Variants in ZNF536 observed in about 807,000 individuals in gnomAD.
The protein encoded by ZNF536 is zinc finger protein 536.
In ZNF536, 13 loss-of-function variants were observed where a neutral mutation model predicts 84.5. The ratio of observed to expected loss-of-function variants is 0.15; its 90% CI spans 0.10 to 0.24. The LOEUF (loss-of-function observed/expected upper bound fraction) is 0.24, where lower values mean the gene tolerates loss of function less well. ZNF536 is among the 10% of genes least tolerant of loss of function. The probability of loss-of-function intolerance (pLI) is 1.00; values close to 1 mark genes in which losing one functional copy is unlikely to be tolerated. For synonymous variants in ZNF536, 811 were observed against 742.5 expected, an observed-to-expected ratio of 1.09 and a Z score of -1.50; for missense variants, 1,536 against 1,747.5, an observed-to-expected ratio of 0.88 and a Z score of 2.16.
At chr19:30,383,701 C>CTCTT (rs762457465) in intron 1 of ZNF536, among the ~76,000 whole-genome samples, 204 of 11,560 alleles carry the variant, frequency 0.018, 9 homozygotes, top group Middle Eastern at 0.062. Flanking sequence ...TCTTTTCTTT[C>CTCTT]TCTTTCTTTC....
chr19:30,363,894 G>A (rs1163169346), intron 3 of ZNF536, among the ~76,000 whole-genome samples: 14 of 152,144 alleles, frequency 9.2e-5, no homozygotes, highest in African/African-American at 3.4e-4. Flanking sequence ...CTTGCAGAAG[G>A]CAGGGGTTTG....
chr19:30,606,194 T>TAA (rs1555810953), intron 1 of ZNF536, among the ~76,000 whole-genome samples: 2,158 of 55,338 alleles, frequency 0.039, 82 homozygotes, highest in African/African-American at 0.067. Flanking sequence ...TAAAATAAAA[T>TAA]AATAAAATAA....
At chr19:30,347,281 G>A (rs2047776501) in intron 2 of ZNF536, among the ~76,000 whole-genome samples, 1 of 152,142 alleles carries the variant, frequency 6.6e-6, no homozygotes, top group African/African-American at 2.4e-5. Context: ...GCATATCGGT[G>A]GAGCTTTGGT....
At chr19:30,476,282 C>T (rs1399920830) in intron 2 of ZNF536, among the ~76,000 whole-genome samples, 2 of 152,282 alleles carry the variant, frequency 1.3e-5, no homozygotes, top group South Asian at 2.1e-4. Context: ...TTTGGCCAGC[C>T]GTGGTGTTAA....
chr19:30,365,531 T>C (rs919750950), intron 3 of ZNF536, among the ~76,000 whole-genome samples: 1 of 152,174 alleles, frequency 6.6e-6, no homozygotes, highest in African/African-American at 2.4e-5. Context: ...TGCTTGAACA[T>C]AGCATTGCCA....
At chr19:30,320,578 G>A (rs937108822) in intron 2 of ZNF536, among the ~76,000 whole-genome samples, 2 of 152,142 alleles carry the variant, frequency 1.3e-5, no homozygotes, top group Non-Finnish European at 2.9e-5. Context: ...GAGGGGCAAG[G>A]GGTTCTCTGG....
chr19:30,656,470 C>T (rs189560665), intron 1 of ZNF536, among the ~76,000 whole-genome samples: 11 of 152,310 alleles, frequency 7.2e-5, no homozygotes, highest in Admixed American at 2.0e-4. Context: ...CTGCTGGAAA[C>T]GCGCTGTCAC....
In ZNF536 at chr19:30,505,144, C is replaced by T. The variant is rs1010369851; in HGVS notation, c.2171-29703C>T. Among the ~76,000 whole-genome samples, 71 of 151,116 alleles carry T rather than the reference C, an allele frequency of 4.7e-4. 1 individual carries two copies. The highest frequency in any genetic ancestry group is 6.8e-4 in the Non-Finnish European group (46 of 67,846). On this transcript the variant is annotated intron_variant, in intron 2 of 4. Transcript: ENST00000355537. Reference sequence around the variant, plus strand: ...TAATTTGGGAAACATGTCAAAAGCCCCCCAAATAAGTGTCTGCCCATTGTT... The same window carrying T: ...TAATTTGGGAAACATGTCAAAAGCCTCCCAAATAAGTGTCTGCCCATTGTT...
chr19:30,236,534 G>GGT (rs913622574), intron 1 of ZNF536, among the ~76,000 whole-genome samples: 5 of 134,956 alleles, frequency 3.7e-5, no homozygotes, highest in African/African-American at 1.3e-4. Context: ...TGGGGCGGGG[G>GGT]GGGGGTACAA....
At chr19:30,679,243 G>T (rs2050873248) in intron 1 of ZNF536, among the ~76,000 whole-genome samples, 1 of 152,192 alleles carries the variant, frequency 6.6e-6, no homozygotes. Context: ...CTGTGCGGTG[G>T]ATTATCAATA....
chr19:30,295,114 C>T (rs2045956606), intron 2 of ZNF536, among the ~76,000 whole-genome samples: 1 of 152,174 alleles, frequency 6.6e-6, no homozygotes, highest in South Asian at 2.1e-4. Flanking sequence ...TTCAGCACAT[C>T]TAGGGGAATG....
intron 1 of ZNF536, among the ~76,000 whole-genome samples, chr19:30,639,442 A>G (rs1212351073): frequency 6.6e-6 from 1 of 152,184 alleles, no homozygotes; most frequent in Admixed American, 6.5e-5. Flanking sequence ...TTACCCTCAT[A>G]GCACTTCTCA....
At chr19:30,637,178 C>T (rs1568624935) in intron 1 of ZNF536, among the ~76,000 whole-genome samples, 1 of 152,188 alleles carries the variant, frequency 6.6e-6, no homozygotes, top group Non-Finnish European at 1.5e-5. Flanking sequence ...CACATCTGGA[C>T]CTTGGGAAAT....
At chr19:30,329,348 G>C (rs1253785694) in intron 2 of ZNF536, among the ~76,000 whole-genome samples, 1 of 151,928 alleles carries the variant, frequency 6.6e-6, no homozygotes, top group Non-Finnish European at 1.5e-5. Context: ...GGTCAACTTT[G>C]CCCTTTGAAG....
At chr19:30,594,797 C>T (rs758595650) in intron 1 of ZNF536, among the ~76,000 whole-genome samples, 7 of 152,110 alleles carry the variant, frequency 4.6e-5, no homozygotes, top group South Asian at 2.1e-4. Flanking sequence ...TAGTGACAGC[C>T]GAGGCCAACG....
intron 1 of ZNF536, among the ~76,000 whole-genome samples, chr19:30,594,547 C>A (rs1401630191): frequency 6.6e-6 from 1 of 152,194 alleles, no homozygotes; most frequent in Non-Finnish European, 1.5e-5. Flanking sequence ...CTTGACTCAC[C>A]ACATGACATT....
At chr19:30,370,347 A>G (rs2048571098), upstream of ZNF536, among the ~76,000 whole-genome samples, 1 of 152,232 alleles carries the variant, frequency 6.6e-6, no homozygotes, top group Non-Finnish European at 1.5e-5. Flanking sequence ...CCTGATGTCA[A>G]TAAAGGTGCA....
chr19:30,344,973 C>T (rs1393581166), intron 2 of ZNF536, among the ~76,000 whole-genome samples: 1 of 152,236 alleles, frequency 6.6e-6, no homozygotes, highest in Admixed American at 6.5e-5. Context: ...TGTAAGATTT[C>T]TGCCTCCTGC....
rs1285500163 is a variant in ZNF536, at chr19:30,548,041, G to A, written c.2422G>A (p.Gly808Arg). ...LERHHRERQN[G>R]AGPLSGQPPN... ...GCGACACCATCGGGAGCGGCAGAAC[G>A]GGGCTGGGCCGCTGTCTGGGCAACC... Residue 808 changes from glycine to arginine, a missense_variant, in exon 4 of 5, where the codon GGG becomes AGG. Transcript: ENST00000355537. 5.0e-6 allele frequency: 8 copies of A among 1,613,880 alleles called. No individual in the cohort carries two copies. The highest frequency in any genetic ancestry group is 4.5e-5 in the East Asian group (2 of 44,884).
Sources: gnomAD v4.1 joint callset for allele counts (sites outside exome capture counted in the v4.1 genomes callset) on GRCh38, gnomAD v4.1.1 for gene constraint, MANE v1.5 for transcripts, NCBI Gene and HGNC (gene_info 2026-07-23, HGNC 2026-07-21) for gene names.